TEX2: variants seen among roughly 807,000 people sequenced by gnomAD.
The protein encoded by TEX2 is testis expressed 2, also known as testis-expressed protein 2.
Under a neutral mutation model 106.9 loss-of-function variants are expected in TEX2, and 53 were observed. The ratio of observed to expected loss-of-function variants is 0.50; its 90% CI spans 0.40 to 0.62. The LOEUF (loss-of-function observed/expected upper bound fraction) is 0.62. Among genes scored for constraint, TEX2 ranks in the 20% least tolerant of loss-of-function variants. The pLI is 0.00. For missense variants in TEX2, 1,207 were observed against 1,379.0 expected (o/e 0.88, Z 1.98); for synonymous variants, 523 against 534.8 (o/e 0.98, Z 0.30).
intron 6 of TEX2, among the ~76,000 whole-genome samples, chr17:64,176,406 G>C (rs977886632): frequency 1.3e-5 from 2 of 152,084 alleles, no homozygotes; most frequent in African/African-American, 4.8e-5. Flanking sequence ...GCAAAATTTT[G>C]TGTCAACGTG....
At chr17:64,151,736 CTTTTA>C (rs1281540163) in intron 10 of TEX2, among the ~76,000 whole-genome samples, 3 of 152,140 alleles carry the variant, frequency 2.0e-5, no homozygotes. Flanking sequence ...TCCTAGAGCC[CTTTTA>C]TTTTATCTCC....
At chr17:64,182,975 G>A (rs899967222) in intron 5 of TEX2, among the ~76,000 whole-genome samples, 10 of 150,570 alleles carry the variant, frequency 6.6e-5, no homozygotes, top group Admixed American at 4.6e-4. Context: ...GTGTGATCTC[G>A]GCTCACTGCA....
In TEX2 at chr17:64,205,491, C is replaced by G. The variant is rs2032802184; in HGVS notation, c.1644+7083G>C. The stretch of plus-strand genomic sequence containing the variant: ...TGCACTCACATTTCTTGTCCTTACT[C>G]TAAGTTATAAGAGACCAACAAAAAG... On this transcript the variant is annotated intron_variant, in intron 2 of 11. Transcript: ENST00000584379. The surrounding 1 kb of genome is among the most constrained non-coding windows in gnomAD (Gnocchi z 4.0). 6.6e-6 allele frequency among the ~76,000 whole-genome samples: 1 copy of G among 152,136 alleles called. No individual in the cohort carries two copies. The highest frequency in any genetic ancestry group is 2.4e-5 in the African/African-American group (1 of 41,414).
intron 1 of TEX2, among the ~76,000 whole-genome samples, chr17:64,262,926 G>A (rs1236604074): frequency 1.3e-5 from 2 of 152,158 alleles, no homozygotes; most frequent in Non-Finnish European, 2.9e-5. Flanking sequence ...TCCTCCCGCC[G>A]GAGTCGAGCC....
intron 1 of TEX2, among the ~76,000 whole-genome samples, chr17:64,228,491 C>A (rs1035301434): frequency 2.0e-5 from 3 of 152,174 alleles, no homozygotes; most frequent in Admixed American, 6.5e-5. Flanking sequence ...GCATTAGATT[C>A]TCATAAGGAG....
intron 6 of TEX2, among the ~76,000 whole-genome samples, chr17:64,173,655 T>A (rs1416026048): frequency 6.6e-6 from 1 of 152,200 alleles, no homozygotes; most frequent in Non-Finnish European, 1.5e-5. Context: ...AAAGCATCAA[T>A]GTTATAAGTG....
At chr17:64,177,650 C>T (rs1598144090) in intron 5 of TEX2, among the ~76,000 whole-genome samples, 179 bp from the exon 6 acceptor site, 2 of 152,190 alleles carry the variant, frequency 1.3e-5, no homozygotes, top group Non-Finnish European at 1.5e-5. Flanking sequence ...AGGGGAGAAA[C>T]GAAAGCTGCC....
intron 6 of TEX2, among the ~76,000 whole-genome samples, chr17:64,175,425 TA>T (rs946616696): frequency 5.3e-5 from 8 of 152,328 alleles, no homozygotes; most frequent in African/African-American, 1.9e-4. Context: ...GTCTGTGAAC[TA>T]CCAGTGCCTC....
At chr17:64,223,120 C>A (rs1450414314) in intron 1 of TEX2, among the ~76,000 whole-genome samples, 1 of 152,078 alleles carries the variant, frequency 6.6e-6, no homozygotes, top group Non-Finnish European at 1.5e-5. Flanking sequence ...TCATAAAAAA[C>A]AAAGGCCTCA....
At position 64,201,119 on chromosome 17, in the gene TEX2, C is replaced by T. The variant is rs149409945; in HGVS notation, c.1645-6024G>A. ...AAAAGACTGCTGGTCAAAACACATG[C>T]GCTGAAACCAACTCACCTACCTTAG... On this transcript the variant is annotated intron_variant, in intron 2 of 11. Coordinates refer to ENST00000584379, the MANE Select transcript of TEX2 (RefSeq NM_001288732.2). 2.1e-3 allele frequency among the ~76,000 whole-genome samples: 325 copies of T among 152,294 alleles called. 2 individuals are homozygous for T. The highest frequency in any genetic ancestry group is 7.6e-3 in the African/African-American group (317 of 41,558).
chr17:64,247,604 G>A lies in TEX2; in HGVS notation c.-26+15564C>T, dbSNP rs549452996. Among the ~76,000 whole-genome samples the A allele has an allele frequency of 1.1e-4, 17 of 152,324 alleles. No individual in the cohort carries two copies. In the East Asian group the frequency reaches 1.2e-3, roughly 10 times the overall value. ...GGCCAGGCTTGCGCACGGATGCCCC[G>A]CGCGGGGAGCCTGCAGTTCGCTCAC... On this transcript the variant is annotated intron_variant, in intron 1 of 11. Coordinates refer to ENST00000584379, the MANE Select transcript of TEX2 (RefSeq NM_001288732.2).
At chr17:64,210,411 T>G (rs117215221) in intron 2 of TEX2, among the ~76,000 whole-genome samples, 1 of 152,190 alleles carries the variant, frequency 6.6e-6, no homozygotes, top group Non-Finnish European at 1.5e-5. Flanking sequence ...GTGATGCATA[T>G]CTTCATATAT....
At chr17:64,251,887 C>T (rs1323420015) in intron 1 of TEX2, among the ~76,000 whole-genome samples, 4 of 152,142 alleles carry the variant, frequency 2.6e-5, no homozygotes, top group East Asian at 3.8e-4. Flanking sequence ...CAAACACCCC[C>T]GACAGGCAAA....
chr17:64,168,473 G>A (rs2031241888), intron 7 of TEX2, among the ~76,000 whole-genome samples: 1 of 152,172 alleles, frequency 6.6e-6, no homozygotes. Context: ...TCTATATAGT[G>A]AAATATCTCA....
At chr17:64,170,025 T>C (rs182291626) in intron 7 of TEX2, among the ~76,000 whole-genome samples, 139 of 152,328 alleles carry the variant, frequency 9.1e-4, no homozygotes, top group Admixed American at 8.4e-3. Context: ...AAATTTTCCC[T>C]GTCAAGATCC....
chr17:64,176,908 T>C (rs925810983), intron 6 of TEX2, among the ~76,000 whole-genome samples: 1 of 152,172 alleles, frequency 6.6e-6, no homozygotes, highest in South Asian at 2.1e-4. Context: ...TAAGAGGCCT[T>C]AAGTAATTTG....
At position 64,185,020 on chromosome 17, in the gene TEX2, A is replaced by G. The variant is rs145052176; in HGVS notation, c.2424+3148T>C. Among the ~76,000 whole-genome samples the G allele has an allele frequency of 2.9e-3, 438 of 152,334 alleles. 2 individuals are homozygous for G. The highest frequency in any genetic ancestry group is 9.7e-3 in the African/African-American group (402 of 41,580). ...GTAGCAAGGGAAGCCCTGGAAAACT[A>G]TTCTGCCAGTTACAGACTTCCTGGT... On this transcript the variant is annotated intron_variant, in intron 5 of 11. Transcript: ENST00000584379. The surrounding 1 kb of genome is among the most constrained non-coding windows in gnomAD (Gnocchi z 4.0).
At chr17:64,262,518 C>T (rs1346728936) in intron 1 of TEX2, among the ~76,000 whole-genome samples, 4 of 152,220 alleles carry the variant, frequency 2.6e-5, no homozygotes, top group African/African-American at 9.6e-5. Flanking sequence ...GTATGGTTTC[C>T]GTGCTCAGCA....
At chr17:64,172,851 T>A (rs536003322) in intron 6 of TEX2, among the ~76,000 whole-genome samples, 3 of 152,356 alleles carry the variant, frequency 2.0e-5, no homozygotes, top group East Asian at 3.9e-4. Flanking sequence ...TCCGTAGGAA[T>A]TTATTCTACA....
Sources: allele counts gnomAD v4.1 joint callset (sites outside exome capture counted in the v4.1 genomes callset), GRCh38; gene constraint gnomAD v4.1.1; non-coding constraint Gnocchi (gnomAD v3.1); transcripts MANE v1.5; gene names NCBI Gene and HGNC (gene_info 2026-07-23, HGNC 2026-07-21).